The following NEB variants were observed in gnomAD, a reference collection of about 807,000 sequenced individuals.
NEB encodes nemaline myopathy type 2.
In NEB, 512 loss-of-function variants were observed where a neutral mutation model predicts 952.2. The observed-to-expected ratio is 0.54, with a 90% CI of 0.50 to 0.58. NEB has a LOEUF of 0.58. Among genes scored for constraint, NEB ranks in the 20% least tolerant of loss-of-function variants. The probability of loss-of-function intolerance (pLI) is 0.00; values close to 1 mark genes in which losing one functional copy is unlikely to be tolerated. For synonymous variants in NEB, 2,900 were observed against 3,149.8 expected, an observed-to-expected ratio of 0.92 and a Z score of 2.66; for missense variants, 8,428 against 9,231.1, an observed-to-expected ratio of 0.91 and a Z score of 3.56.
intron 165 of NEB, among the ~76,000 whole-genome samples, chr2:151,504,321 A>C: frequency 6.6e-6 from 1 of 152,206 alleles, no homozygotes; most frequent in African/African-American, 2.4e-5. Context: ...TTGGTAACAA[A>C]GTTGCATTTC....
At chr2:151,710,617 T>A in intron 10 of NEB, 79 bp from the exon 11 acceptor site, 2 of 869,292 alleles carry the variant, frequency 2.3e-6, no homozygotes, top group Non-Finnish European at 3.5e-6. Context: ...AAATAATGAT[T>A]AACTTTTAAA....
chr2:151,535,806 CAG>C lies in NEB; in HGVS notation c.21208-13_21208-12del. 6.8e-7 allele frequency: 1 copy of C among 1,464,598 alleles called. No homozygotes were observed. The allele number at this position is 1,464,598 out of a possible 1,614,324, so 90.7% of individuals were successfully genotyped here. A position where few individuals can be genotyped will look rare whatever the true frequency, so the allele number is the denominator to read the frequency against. ...TTCTTTATACTTATACTAGAAAAAA[CAG>C]AACATGGTTACTTGACAGCAGGCTA... On this transcript the variant is annotated splice_polypyrimidine_tract_variant and intron_variant, in intron 141 of 181. Coordinates refer to ENST00000397345, the MANE Select transcript of NEB (RefSeq NM_001164508.2).
intron 60 of NEB, among the ~76,000 whole-genome samples, chr2:151,641,586 C>T (rs2098848188): frequency 6.6e-6 from 1 of 152,188 alleles, no homozygotes; most frequent in African/African-American, 2.4e-5. Context: ...CCGCCTTGAC[C>T]TCCCAAAGCA....
chr2:151,645,416 T>C (rs137948760), intron 55 of NEB, among the ~76,000 whole-genome samples: 198 of 152,342 alleles, frequency 1.3e-3, no homozygotes, highest in African/African-American at 4.3e-3. Context: ...CTAAAACTTA[T>C]GTTTTGAAGA....
chr2:151,534,233 T>C lies in NEB; in HGVS notation c.21313-687A>G, dbSNP rs1403704827. The C allele has an allele frequency of 1.2e-6, 2 of 1,613,426 alleles. No homozygotes were observed. The highest frequency in any genetic ancestry group is 1.3e-5 in the African/African-American group (1 of 74,938). ...ACAGTACCTGACTGATCTGGTCGCC[T>C]GCGGTCTTAGCCAGCAGATGTCTAG... On this transcript the variant is annotated intron_variant, in intron 142 of 181. Transcript: ENST00000397345.
chr2:151,722,039 A>G (rs528428684), intron 9 of NEB, among the ~76,000 whole-genome samples: 1 of 152,352 alleles, frequency 6.6e-6, no homozygotes, highest in Admixed American at 6.5e-5. Context: ...AGTTGGAGAC[A>G]CCATCAAATT....
intron 38 of NEB, among the ~76,000 whole-genome samples, chr2:151,669,523 G>T (rs1575678881): frequency 6.6e-6 from 1 of 152,192 alleles, no homozygotes; most frequent in South Asian, 2.1e-4. Context: ...ACTCTGCAGA[G>T]GTAACATTTA....
intron 135 of NEB, among the ~76,000 whole-genome samples, chr2:151,545,000 A>C (rs1167314272): frequency 6.6e-6 from 1 of 152,256 alleles, no homozygotes; most frequent in Non-Finnish European, 1.5e-5. Context: ...TGGCCAAGGC[A>C]CTATGGGACA....
At position 151,695,749 on chromosome 2, in the gene NEB, A is replaced by G. The variant is rs950120207; in HGVS notation, c.1570-67T>C. ...CAGAATACAAAAATTCTTGTGTGGTACATTTTGTAAAGTTAGTGACAGCAT... is the reference window on the plus strand; with the variant it reads ...CAGAATACAAAAATTCTTGTGTGGTGCATTTTGTAAAGTTAGTGACAGCAT... On this transcript the variant is annotated intron_variant, in intron 17 of 181. Transcript: ENST00000397345. 9 of 1,233,562 alleles carry G rather than the reference A, an allele frequency of 7.3e-6. No homozygotes were observed. The African/African-American group carries it at 1.3e-4, about 18-fold the overall frequency. 76.4% of individuals were successfully genotyped at this position (1,233,562 alleles called of 1,614,324 possible).
At chr2:151,723,964 T>G (rs957842137) in intron 8 of NEB, among the ~76,000 whole-genome samples, 1 of 152,000 alleles carries the variant, frequency 6.6e-6, no homozygotes, top group Non-Finnish European at 1.5e-5. Context: ...AATTTTGAGA[T>G]ATTACTTTGT....
At chr2:151,728,413 GA>G (rs1428494518) in intron 4 of NEB, among the ~76,000 whole-genome samples, 1 of 152,140 alleles carries the variant, frequency 6.6e-6, no homozygotes, top group Non-Finnish European at 1.5e-5. Context: ...ACTGTAGTAG[GA>G]GACAAAGAAT....
intron 78 of NEB, among the ~76,000 whole-genome samples, chr2:151,611,528 A>G (rs2097960693): frequency 6.6e-6 from 1 of 152,212 alleles, no homozygotes; most frequent in Admixed American, 6.5e-5. Flanking sequence ...ACTCAATTGT[A>G]CTAGCCTAAT....
chr2:151,611,104 G>T (rs532539798), intron 78 of NEB, among the ~76,000 whole-genome samples: 1 of 152,250 alleles, frequency 6.6e-6, no homozygotes, highest in South Asian at 2.1e-4. Context: ...TATAATGGTT[G>T]CTATTAGTAA....
intron 54 of NEB, among the ~76,000 whole-genome samples, chr2:151,648,239 T>C (rs1244109003): frequency 6.6e-6 from 1 of 152,170 alleles, no homozygotes; most frequent in Non-Finnish European, 1.5e-5. Flanking sequence ...CTTAAACTTG[T>C]CCATTTCCCT....
rs1452952712 is a variant in NEB, at chr2:151,519,688, G to A, written c.22560C>T (p.Val7520=). The A allele has an allele frequency of 6.2e-7, 1 of 1,612,308 alleles. No homozygotes were observed. Residue 7520 remains valine (V), a synonymous_variant, in exon 154 of 182, where the codon GTC becomes GTT. Coordinates refer to ENST00000397345, the MANE Select transcript of NEB (RefSeq NM_001164508.2). ...TTGCAAGATTATTAGCATCTTTCAT[G>A]ACTTTGTAGAGCTGGCTGTCTTTTG... ...YNPKDSQLYK[V]MKDANNLASE...
intron 156 of NEB, 83 bp downstream of exon 156, chr2:151,518,235 T>C (rs1575888281): frequency 1.0e-6 from 1 of 973,384 alleles, no homozygotes; most frequent in East Asian, 2.4e-5. Flanking sequence ...TCTCAAACAA[T>C]GGAGGGAATC....
At chr2:151,581,441 G>A (rs2097089822) in intron 103 of NEB, 42 bp downstream of exon 103, 1 of 562,774 alleles carries the variant, frequency 1.8e-6, no homozygotes, top group Non-Finnish European at 3.0e-6. Context: ...GTTTGGTTAG[G>A]CAGAGAGCAC....
chr2:151,626,968 C>T (rs375160678), intron 70 of NEB, 34 bp downstream of exon 70: 406 of 1,606,026 alleles, frequency 2.5e-4, no homozygotes, highest in Non-Finnish European at 3.0e-4. Context: ...TGACATATAG[C>T]CCTGTCTTAT....
chr2:151,491,233 C>T (rs761563614), intron 179 of NEB: 7 of 157,786 alleles, frequency 4.4e-5, no homozygotes, highest in African/African-American at 7.2e-5. Flanking sequence ...GGGTCTCATT[C>T]TCTTTTCCAG....
Sources: allele counts gnomAD v4.1 joint callset (sites outside exome capture counted in the v4.1 genomes callset), GRCh38; gene constraint gnomAD v4.1.1; transcripts MANE v1.5; gene names NCBI Gene and HGNC (gene_info 2026-07-23, HGNC 2026-07-21).